SEMA3A: variants seen among roughly 807,000 people sequenced by gnomAD.
SEMA3A encodes semaphorin 3A.
In SEMA3A, 29 loss-of-function variants were observed where a neutral mutation model predicts 97.9. The ratio of observed to expected loss-of-function variants is 0.30; its 90% CI spans 0.22 to 0.40. The LOEUF (loss-of-function observed/expected upper bound fraction) is 0.40. Among genes scored for constraint, SEMA3A ranks in the 10% least tolerant of loss-of-function variants. The pLI is 1.00. For synonymous variants in SEMA3A, 321 were observed against 323.7 expected, an observed-to-expected ratio of 0.99 and a Z score of 0.09; for missense variants, 763 against 951.3, an observed-to-expected ratio of 0.80 and a Z score of 2.60.
chr7:84,477,332 G>C (rs1007518519), intron 1 of SEMA3A, among the ~76,000 whole-genome samples: 1 of 149,596 alleles, frequency 6.7e-6, no homozygotes, highest in Non-Finnish European at 1.5e-5. Context: ...CCAGCTACTC[G>C]GGAGGCTGAG....
upstream of SEMA3A, among the ~76,000 whole-genome samples, chr7:84,196,375 CTCTCTCTG>C (rs1028875325): frequency 1.6e-4 from 24 of 152,228 alleles, no homozygotes; most frequent in Admixed American, 4.6e-4. Context: ...CTCTCTCTCT[CTCTCTCTG>C]TCTCTCCCTC....
intron 1 of SEMA3A, among the ~76,000 whole-genome samples, chr7:84,474,653 G>C (rs1221957653): frequency 6.6e-6 from 1 of 152,120 alleles, no homozygotes; most frequent in Admixed American, 6.5e-5. Context: ...CAGTTTTATA[G>C]AGTGCTTCCT....
chr7:84,002,819 ATTTG>A (rs371272901), intron 11 of SEMA3A, among the ~76,000 whole-genome samples: 5 of 152,220 alleles, frequency 3.3e-5, no homozygotes, highest in African/African-American at 1.2e-4. Context: ...TTCAAACCTT[ATTTG>A]TTTTTCTAAT....
intron 14 of SEMA3A, among the ~76,000 whole-genome samples, chr7:83,980,623 A>AATATATATATATATAT (rs1554383378): frequency 1.4e-5 from 1 of 71,762 alleles, no homozygotes; most frequent in African/African-American, 8.3e-5. Context: ...AAAAAAAAAA[A>AATATATATATATATAT]ATATATATAT....
rs1429130888 is a variant in SEMA3A at position 84,129,504 on chromosome 7, C to T, written c.271-319G>A. ...TTGGGAGAGGGAGATCTTGAGAGAA[C>T]GTGAGAATTTAGTGAAGAGAAGTAG... is the stretch of plus-strand genomic sequence containing the variant. On this transcript the variant is annotated intron_variant, in intron 2 of 16. Coordinates refer to ENST00000265362, the MANE Select transcript of SEMA3A (RefSeq NM_006080.3). 3.3e-5 allele frequency among the ~76,000 whole-genome samples: 5 copies of T among 152,150 alleles called. No homozygotes were observed. In the East Asian group the frequency reaches 7.7e-4, roughly 24 times the overall value.
chr7:84,018,871 A>G (rs1284006150), intron 6 of SEMA3A, among the ~76,000 whole-genome samples: 4 of 152,334 alleles, frequency 2.6e-5, no homozygotes, highest in East Asian at 1.9e-4. Context: ...TGTCAGGAGT[A>G]TATTTTCAGA....
chr7:83,961,619 C>G lies in SEMA3A; in HGVS notation c.2068G>C (p.Glu690Gln), dbSNP rs1788474623. ...CTAGGTGTCATGCTATTGGACATTT[C>G]TTTGGTCTTAGAGCCATCTCCATCA... The part of the protein sequence containing the change: ...DDDGDGSKTK[E>Q]MSNSMTPSQK... Residue 690 changes from glutamate to glutamine, a missense_variant, in exon 17 of 17, where the codon GAA becomes CAA. By Grantham distance (29) the Glu-to-Gln change is conservative (BLOSUM62 2). Around this residue, in one of 2 missense-constraint regions of SEMA3A, gnomAD observed 678 missense variants for 881.3 expected, o/e 0.77. Coordinates refer to ENST00000265362, the MANE Select transcript of SEMA3A (RefSeq NM_006080.3). 3 of 1,614,036 alleles carry G rather than the reference C, an allele frequency of 1.9e-6. No individual in the cohort carries two copies. The highest frequency in any genetic ancestry group is 2.5e-6 in the Non-Finnish European group (3 of 1,179,974).
intron 2 of SEMA3A, among the ~76,000 whole-genome samples, chr7:84,312,096 T>G (rs1469675457): frequency 6.6e-6 from 1 of 151,910 alleles, no homozygotes; most frequent in African/African-American, 2.4e-5. Context: ...TAATTGGCCA[T>G]GAATGTGTAT....
chr7:84,342,867 T>C (rs1584252208), intron 2 of SEMA3A, among the ~76,000 whole-genome samples: 1 of 152,188 alleles, frequency 6.6e-6, no homozygotes. Context: ...AGCACATGAA[T>C]GGCAAAGAAC....
At chr7:84,387,006 AG>A (rs1803415458) in intron 1 of SEMA3A, among the ~76,000 whole-genome samples, 1 of 115,650 alleles carries the variant, frequency 8.6e-6, no homozygotes, top group African/African-American at 4.0e-5. Context: ...TCTCAAAAAA[AG>A]AAAATAATAA....
chr7:84,040,201 G>A (rs1051911342), intron 6 of SEMA3A, among the ~76,000 whole-genome samples: 11 of 148,768 alleles, frequency 7.4e-5, no homozygotes, highest in African/African-American at 2.7e-4. Context: ...TTCACTCAGA[G>A]TGATTAGGGT....
intron 12 of SEMA3A, among the ~76,000 whole-genome samples, chr7:83,986,882 T>G (rs1029471327): frequency 6.6e-6 from 1 of 151,988 alleles, no homozygotes; most frequent in East Asian, 1.9e-4. Context: ...CTGAATGAAT[T>G]AATACATGTA....
intron 3 of SEMA3A, among the ~76,000 whole-genome samples, chr7:84,293,075 T>C (rs1423687247): frequency 6.6e-6 from 1 of 152,088 alleles, no homozygotes; most frequent in Non-Finnish European, 1.5e-5. Flanking sequence ...GCACTAGTTA[T>C]AAAAACTTGG....
chr7:84,005,275 A>G (rs1002317987), intron 11 of SEMA3A, 64 bp downstream of exon 11: 1 of 1,187,752 alleles, frequency 8.4e-7, no homozygotes, highest in Non-Finnish European at 1.3e-6. Context: ...ATGTTCAAAG[A>G]TCAACTTAAT....
chr7:84,197,541 T>G (rs1798259824), upstream of SEMA3A, among the ~76,000 whole-genome samples: 1 of 151,916 alleles, frequency 6.6e-6, no homozygotes, highest in South Asian at 2.1e-4. Flanking sequence ...TTGCTCAGAG[T>G]TGAATAAAAT....
chr7:83,981,292 A>G (rs1303041827), intron 14 of SEMA3A, 29 bp downstream of exon 14: 2 of 1,608,704 alleles, frequency 1.2e-6, no homozygotes, highest in African/African-American at 2.7e-5. Flanking sequence ...ACTAGCAAAC[A>G]TTTCATTTAT....
chr7:83,999,066 A>G (rs1023488148), intron 12 of SEMA3A, among the ~76,000 whole-genome samples: 1 of 152,200 alleles, frequency 6.6e-6, no homozygotes, highest in Non-Finnish European at 1.5e-5. Flanking sequence ...GAAGGAGTAC[A>G]ATGTAAAATA....
intron 4 of SEMA3A, among the ~76,000 whole-genome samples, chr7:84,107,242 G>A (rs1305562344): frequency 6.6e-6 from 1 of 152,006 alleles, no homozygotes; most frequent in Non-Finnish European, 1.5e-5. Context: ...CAGCATAACA[G>A]TTTAAATCCA....
chr7:84,466,339 A>T (rs1475756349), intron 1 of SEMA3A, among the ~76,000 whole-genome samples: 1 of 151,726 alleles, frequency 6.6e-6, no homozygotes, highest in African/African-American at 2.4e-5. Context: ...CACCCGGCTA[A>T]TTTTTGTATT....
Sources: allele counts gnomAD v4.1 joint callset (sites outside exome capture counted in the v4.1 genomes callset), GRCh38; gene constraint gnomAD v4.1.1; regional missense constraint gnomAD v4.1.1; transcripts MANE v1.5; gene names NCBI Gene and HGNC (gene_info 2026-07-23, HGNC 2026-07-21).